TMEM87B: variants seen among roughly 807,000 people sequenced by gnomAD.
TMEM87B encodes the protein transmembrane protein 87B.
In TMEM87B, 83 loss-of-function variants were observed where a neutral mutation model predicts 80.3. The ratio of observed to expected loss-of-function variants is 1.03; its 90% CI spans 0.87 to 1.24. The LOEUF is 1.24. Ranked by LOEUF, TMEM87B falls within the 50% of genes most tolerant of loss-of-function variation. The probability of loss-of-function intolerance (pLI) is 0.00; values close to 1 mark genes in which losing one functional copy is unlikely to be tolerated. For missense variants in TMEM87B, 625 were observed against 674.4 expected (o/e 0.93, Z 0.81); for synonymous variants, 219 against 230.5 (o/e 0.95, Z 0.45).
chr2:112,089,657 TCG>T lies in TMEM87B; in HGVS notation c.972_973del (p.Ile324MetfsTer13). 6.2e-7 allele frequency: 1 copy of T among 1,614,188 alleles called. No individual in the cohort carries two copies. The highest frequency in any genetic ancestry group is 8.5e-7 in the Non-Finnish European group (1 of 1,180,022). ...TTAGGAACAGTCATGCACCGGGTGA[TCG>T]GACTGGGGCTTCTATACTTAATCTT... is the stretch of plus-strand genomic sequence containing the variant. On this transcript the variant is annotated frameshift_variant, in exon 10 of 19. Transcript: ENST00000283206. LOFTEE classifies it high-confidence loss of function.
chr2:112,064,727 C>T (rs4575728), intron 3 of TMEM87B, among the ~76,000 whole-genome samples: 43,365 of 152,018 alleles, frequency 0.29, 6,361 homozygotes, highest in Middle Eastern at 0.43. Context: ...TTTCCTGCAC[C>T]TGGCTGTGAA....
chr2:112,093,411 CTT>C (rs1679363148), intron 11 of TMEM87B, among the ~76,000 whole-genome samples: 1 of 152,186 alleles, frequency 6.6e-6, no homozygotes, highest in Non-Finnish European at 1.5e-5. Context: ...TGGAGCCTCT[CTT>C]CACAGAACAC....
chr2:112,087,517 A>G (rs1403995926), intron 9 of TMEM87B, among the ~76,000 whole-genome samples: 1 of 150,776 alleles, frequency 6.6e-6, no homozygotes, highest in African/African-American at 2.4e-5. Context: ...TTTCCCCCAC[A>G]TCTGGACCGC....
intron 11 of TMEM87B, among the ~76,000 whole-genome samples, chr2:112,093,720 T>C (rs942996783): frequency 6.6e-6 from 1 of 152,228 alleles, no homozygotes; most frequent in Admixed American, 6.5e-5. Context: ...AGACATTCAT[T>C]TGCTAAAAAT....
chr2:112,068,228 A>G (rs543377002), intron 4 of TMEM87B, among the ~76,000 whole-genome samples: 1 of 152,320 alleles, frequency 6.6e-6, no homozygotes, highest in African/African-American at 2.4e-5. Context: ...AAACAAAAAC[A>G]AAAACAAAAA....
At chr2:112,113,309 A>C (rs1040317521) in intron 18 of TMEM87B, among the ~76,000 whole-genome samples, 2 of 152,232 alleles carry the variant, frequency 1.3e-5, no homozygotes, top group African/African-American at 4.8e-5. Context: ...GATTTAGGAA[A>C]GTTTTTGGGA....
chr2:112,094,161 CTT>C (rs755031584), intron 11 of TMEM87B, among the ~76,000 whole-genome samples: 36 of 128,638 alleles, frequency 2.8e-4, no homozygotes, highest in Admixed American at 3.9e-4. Context: ...ATTTCTTGTT[CTT>C]TTTTTTTTTT....
intron 14 of TMEM87B, among the ~76,000 whole-genome samples, chr2:112,099,555 T>TATATATATATATATATATATATAC (rs1019425429): frequency 1.8e-4 from 13 of 73,550 alleles, no homozygotes; most frequent in African/African-American, 6.5e-4. Flanking sequence ...TATATATATA[T>TATATATATATATATATATATATAC]ACACACACAC....
At chr2:112,083,153 TATC>T (rs1384623171) in intron 8 of TMEM87B, among the ~76,000 whole-genome samples, 2 of 152,216 alleles carry the variant, frequency 1.3e-5, no homozygotes, top group Non-Finnish European at 2.9e-5. Context: ...ATGTTAAGAA[TATC>T]ATGTCAGACT....
At chr2:112,091,576 C>T (rs1679301737) in intron 10 of TMEM87B, 136 bp from the exon 11 acceptor site, 1 of 656,632 alleles carries the variant, frequency 1.5e-6, no homozygotes, top group African/African-American at 1.8e-5. Context: ...ACACAATCCT[C>T]TTAGGAAATT....
intron 17 of TMEM87B, among the ~76,000 whole-genome samples, chr2:112,111,898 C>T (rs959589069): frequency 1.3e-5 from 2 of 152,200 alleles, no homozygotes; most frequent in East Asian, 1.9e-4. Context: ...TAGTCATTAA[C>T]GTCATAGCAG....
intron 11 of TMEM87B, 102 bp from the exon 12 acceptor site, chr2:112,096,942 C>A: frequency 1.3e-6 from 1 of 745,406 alleles, no homozygotes; most frequent in Non-Finnish European, 2.3e-6. Context: ...ATTTTAGGAA[C>A]TGTATTTAGC....
At position 112,059,993 on chromosome 2, in the gene TMEM87B, T is replaced by A. The variant is rs1678195389; in HGVS notation, c.182T>A (p.Ile61Lys). Residue 61 changes from isoleucine (I) to lysine (K), a missense_variant, in exon 2 of 19, where the codon ATA becomes AAA. Coordinates refer to ENST00000283206, the MANE Select transcript of TMEM87B (RefSeq NM_032824.3). ...ETVNDKSGPL[I>K]FRKTMFNSTD... ...TCATTTTAGAAATCAGGACCTTTGATATTTAGGAAAACTATGTTTAACTCT... is the reference window on the plus strand; with the variant it reads ...TCATTTTAGAAATCAGGACCTTTGAAATTTAGGAAAACTATGTTTAACTCT... 6.3e-7 allele frequency: 1 copy of A among 1,593,830 alleles called. No homozygotes were observed.
At chr2:112,070,793 C>T (rs1304922864) in intron 4 of TMEM87B, among the ~76,000 whole-genome samples, 1 of 151,574 alleles carries the variant, frequency 6.6e-6, no homozygotes, top group Non-Finnish European at 1.5e-5. Context: ...AGTATTAATT[C>T]TTCATATCCA....
chr2:112,072,269 G>A (rs749799794), intron 4 of TMEM87B, among the ~76,000 whole-genome samples: 2 of 152,100 alleles, frequency 1.3e-5, no homozygotes, highest in Non-Finnish European at 2.9e-5. Context: ...CTATGTTTTG[G>A]TATCAGAATA....
chr2:112,093,573 C>T (rs2104489646), intron 11 of TMEM87B, among the ~76,000 whole-genome samples: 1 of 152,238 alleles, frequency 6.6e-6, no homozygotes, highest in South Asian at 2.1e-4. Context: ...GCATATTCTA[C>T]TTTGTTCAGA....
At chr2:112,096,452 T>C (rs1232418581) in intron 11 of TMEM87B, among the ~76,000 whole-genome samples, 1 of 152,220 alleles carries the variant, frequency 6.6e-6, no homozygotes, top group Non-Finnish European at 1.5e-5. Flanking sequence ...GCAGATCTTA[T>C]AGTCGTAGTA....
intron 1 of TMEM87B, 136 bp downstream of exon 1, chr2:112,055,892 T>C: frequency 8.5e-7 from 1 of 1,171,116 alleles, no homozygotes; most frequent in Non-Finnish European, 1.1e-6. Context: ...TCCCTGAGCC[T>C]TTTGTCTGTT....
rs532894822 is a variant in TMEM87B at position 112,101,175 on chromosome 2, G to A, written c.1450+480G>A. Reference sequence around the variant, plus strand: ...TTTATTGTAATCTAATTAAGCATCTGTTAAGGCAACATCAATAAGTAACTC... The same window carrying A: ...TTTATTGTAATCTAATTAAGCATCTATTAAGGCAACATCAATAAGTAACTC... On this transcript the variant is annotated intron_variant, in intron 15 of 18. Transcript: ENST00000283206. 4.6e-5 allele frequency among the ~76,000 whole-genome samples: 7 copies of A among 152,218 alleles called. No homozygotes were observed. The East Asian group carries it at 9.6e-4, about 21-fold the overall frequency.
Sources: allele counts gnomAD v4.1 joint callset (sites outside exome capture counted in the v4.1 genomes callset), GRCh38; gene constraint gnomAD v4.1.1; transcripts MANE v1.5; gene names NCBI Gene and HGNC (gene_info 2026-07-23, HGNC 2026-07-21).